Variants in GSE1 observed in about 807,000 individuals in gnomAD.
GSE1 encodes Gse1 coiled-coil protein.
GSE1 carries 32 observed loss-of-function variants against 112.6 expected under a neutral mutation model. That is an observed-to-expected ratio of 0.28 (90% CI 0.21 to 0.38). The LOEUF is 0.38. Ranked by LOEUF, GSE1 falls within the 10% of genes least tolerant of loss-of-function variation. The pLI, the probability that GSE1 is intolerant of heterozygous loss-of-function variation, is 1.00. For missense variants in GSE1, 2,348 were observed against 1,699.2 expected (o/e 1.38, Z -6.71); for synonymous variants, 1,115 against 735.6 (o/e 1.52, Z -8.35).
chr16:85,170,466 G>A (rs1371381137), exon 1 of GSE1: 2 of 985,606 alleles, frequency 2.0e-6, no homozygotes, highest in Non-Finnish European at 2.4e-6. Context: ...AGACCCTACG[G>A]GGCTTCTGCA....
chr16:85,364,570 G>A (rs1360911535), intron 2 of GSE1, among the ~76,000 whole-genome samples: 3 of 152,200 alleles, frequency 2.0e-5, no homozygotes, highest in Non-Finnish European at 4.4e-5. Context: ...TCCTGATTGA[G>A]TGACTCAGGA....
chr16:85,578,254 A>G (rs12103157), intron 1 of GSE1, among the ~76,000 whole-genome samples: 79,030 of 152,090 alleles, frequency 0.52, 22,827 homozygotes, highest in East Asian at 0.83. Context: ...CCCAGGTTTT[A>G]TGGCTGGAGG....
chr16:85,551,677 G>A (rs2044922885), upstream of GSE1, among the ~76,000 whole-genome samples: 1 of 152,164 alleles, frequency 6.6e-6, no homozygotes, highest in Admixed American at 6.5e-5. Context: ...CCTTACAAAG[G>A]TCCCTGTCAC....
At position 85,654,645 on chromosome 16, in the gene GSE1, C is replaced by A. The variant is rs2287986; in HGVS notation, c.600-149C>A. On this transcript the variant is annotated intron_variant, in intron 4 of 15. Coordinates refer to ENST00000253458, the MANE Select transcript of GSE1 (RefSeq NM_014615.5). Reference sequence around the variant, plus strand: ...GGTGGCAGTGGCAGCTCGCTCCCCCCGCTGCTTAAGCCCCGTCCTCGTTCG... The same window carrying A: ...GGTGGCAGTGGCAGCTCGCTCCCCCAGCTGCTTAAGCCCCGTCCTCGTTCG... The A allele has an allele frequency of 4.1e-5, 29 of 714,276 alleles. 2 individuals are homozygous for A. Among genetic ancestry groups the A allele is most frequent in the East Asian group, 3.5e-4 (13 of 36,924 alleles). 44.2% of individuals were successfully genotyped at this position (714,276 alleles called of 1,614,324 possible). A position where few individuals can be genotyped will look rare whatever the true frequency, so the allele number is the denominator to read the frequency against.
At chr16:85,508,286 G>A (rs565032979) in intron 2 of GSE1, among the ~76,000 whole-genome samples, 16 of 152,222 alleles carry the variant, frequency 1.1e-4, no homozygotes, top group Admixed American at 2.0e-4. Flanking sequence ...CACCCGCTTC[G>A]GCCTCCCAAA....
chr16:85,377,930 C>T (rs2047456396), intron 2 of GSE1, among the ~76,000 whole-genome samples: 1 of 152,274 alleles, frequency 6.6e-6, no homozygotes, highest in Non-Finnish European at 1.5e-5. Flanking sequence ...GCTCCTTGGG[C>T]AGCCTCTCAG....
At chr16:85,393,809 G>T (rs761825527) in intron 2 of GSE1, among the ~76,000 whole-genome samples, 2 of 152,220 alleles carry the variant, frequency 1.3e-5, no homozygotes, top group African/African-American at 2.4e-5. Context: ...CCCCAGCCTG[G>T]TGGCTGGGCT....
chr16:85,192,529 A>C (rs2074844631), intron 1 of GSE1, among the ~76,000 whole-genome samples: 1 of 152,172 alleles, frequency 6.6e-6, no homozygotes, highest in Non-Finnish European at 1.5e-5. Context: ...TTCTAGCTTC[A>C]CAGGTGTGAG....
intron 2 of GSE1, among the ~76,000 whole-genome samples, chr16:85,400,333 CTGTG>C (rs1331614917): frequency 4.1e-5 from 6 of 146,218 alleles, no homozygotes; most frequent in African/African-American, 7.7e-5. Flanking sequence ...GATTATATGT[CTGTG>C]TGTGTCGTGT....
chr16:85,234,510 G>T (rs1025626908), intron 1 of GSE1, among the ~76,000 whole-genome samples: 17 of 152,334 alleles, frequency 1.1e-4, no homozygotes, highest in African/African-American at 3.6e-4. Flanking sequence ...GTGGGGCGGG[G>T]TGGCTCTGAG....
intron 1 of GSE1, among the ~76,000 whole-genome samples, chr16:85,267,507 A>C (rs1908378863): frequency 6.6e-6 from 1 of 152,092 alleles, no homozygotes; most frequent in Non-Finnish European, 1.5e-5. Flanking sequence ...ACGCATGTAC[A>C]GGTGGGTTAA....
chr16:85,612,155 C>T (rs901811286), upstream of GSE1, among the ~76,000 whole-genome samples: 2 of 151,176 alleles, frequency 1.3e-5, no homozygotes, highest in African/African-American at 4.9e-5. Flanking sequence ...CGCCAGAAGG[C>T]GGCAGGGGAG....
In GSE1 at chr16:85,410,533, C is replaced by CT. The variant is rs1422939739; in HGVS notation, c.2464+52890_2464+52891insT. Among the ~76,000 whole-genome samples the CT allele has an allele frequency of 1.3e-4, 2 of 15,484 alleles. 1 individual carries two copies. The highest frequency in any genetic ancestry group is 6.0e-4 in the African/African-American group (2 of 3,308). 10.2% of individuals were successfully genotyped at this position (15,484 alleles called of 152,430 possible). On this transcript the variant is annotated intron_variant, in intron 2 of 2. Coordinates refer to the GSE1 transcript ENST00000637419. ...TCCTCACTGTTACTCTTAGGCCCCC[C>CT]GGATAATCCTCACTGTTGCACTCAG...
At chr16:85,602,377 C>T (rs1251761674) in intron 1 of GSE1, among the ~76,000 whole-genome samples, 1 of 152,168 alleles carries the variant, frequency 6.6e-6, no homozygotes, top group Non-Finnish European at 1.5e-5. Context: ...AATCAGGGAA[C>T]AGGGACCCAG....
intron 2 of GSE1, among the ~76,000 whole-genome samples, chr16:85,639,868 C>T (rs1394927279): frequency 6.6e-6 from 1 of 152,250 alleles, no homozygotes; most frequent in African/African-American, 2.4e-5. Flanking sequence ...CAGCGCCCGT[C>T]TGCCAAGGCG....
At chr16:85,261,161 C>G (rs1336336907) in intron 1 of GSE1, among the ~76,000 whole-genome samples, 2 of 152,248 alleles carry the variant, frequency 1.3e-5, no homozygotes, top group Non-Finnish European at 2.9e-5. Flanking sequence ...TTCTTCTGCC[C>G]TGGGCTGCCG....
intron 1 of GSE1, among the ~76,000 whole-genome samples, chr16:85,624,326 C>T (rs541567655): frequency 6.6e-6 from 1 of 152,328 alleles, no homozygotes; most frequent in Admixed American, 6.5e-5. Context: ...GCAGCCTGGT[C>T]AGCTCTGGTG....
At chr16:85,502,753 C>G (rs1454929722) in intron 2 of GSE1, among the ~76,000 whole-genome samples, 2 of 152,190 alleles carry the variant, frequency 1.3e-5, no homozygotes, top group Non-Finnish European at 2.9e-5. Flanking sequence ...TCTTGGTGTC[C>G]GTGGAGCCGG....
intron 2 of GSE1, among the ~76,000 whole-genome samples, chr16:85,424,776 C>G (rs2048930043): frequency 6.6e-6 from 1 of 152,274 alleles, no homozygotes. Context: ...TGGCACCCCC[C>G]TCACCACCCC....
Sources: gnomAD v4.1 joint callset for allele counts (sites outside exome capture counted in the v4.1 genomes callset) on GRCh38, gnomAD v4.1.1 for gene constraint, MANE v1.5 for transcripts, NCBI Gene and HGNC (gene_info 2026-07-23, HGNC 2026-07-21) for gene names.